The following RXFP1 variants were observed in gnomAD, a reference collection of about 807,000 sequenced individuals.
RXFP1 encodes relaxin family peptide receptor 1.
A neutral mutation model predicts 89.8 loss-of-function variants in RXFP1; 73 were observed. That is an observed-to-expected ratio of 0.81 (90% CI 0.67 to 0.99). The LOEUF (loss-of-function observed/expected upper bound fraction) is 0.99. Among genes scored for constraint, RXFP1 ranks in the 50% least tolerant of loss-of-function variants. RXFP1 has a pLI of 0.00. For synonymous variants in RXFP1, 277 were observed against 305.5 expected (o/e 0.91, Z 0.97); for missense variants, 793 against 895.5 (o/e 0.89, Z 1.46).
At chr4:158,630,282 CAAAAACAAAT>C (rs1489241249) in intron 11 of RXFP1, among the ~76,000 whole-genome samples, 1 of 152,124 alleles carries the variant, frequency 6.6e-6, no homozygotes, top group Non-Finnish European at 1.5e-5. Context: ...AGGAAAATCT[CAAAAACAAAT>C]AGACCCAACC....
rs553932490 is a variant in RXFP1, at chr4:158,588,776, A to G, written c.188-4625A>G. 2.0e-5 allele frequency among the ~76,000 whole-genome samples: 3 copies of G among 152,348 alleles called. No homozygotes were observed. The South Asian group carries it at 6.2e-4, about 32-fold the overall frequency. On this transcript the variant is annotated intron_variant, in intron 2 of 17. Coordinates refer to ENST00000307765, the MANE Select transcript of RXFP1 (RefSeq NM_021634.4). ...TCCATGACAGGTTCCTTGCAGTTGT[A>G]CAATACAATGGCTGTTCCTCATGAT...
chr4:158,576,918 T>C (rs1223991372), intron 2 of RXFP1, among the ~76,000 whole-genome samples: 2 of 152,182 alleles, frequency 1.3e-5, no homozygotes, highest in Non-Finnish European at 2.9e-5. Flanking sequence ...GTTATTTCTG[T>C]TTGTCTCTAA....
intron 6 of RXFP1, among the ~76,000 whole-genome samples, chr4:158,609,416 A>G (rs1201597030): frequency 6.6e-6 from 1 of 152,212 alleles, no homozygotes; most frequent in Non-Finnish European, 1.5e-5. Flanking sequence ...TTTAAAAAAA[A>G]AGGCTTTCTC....
At chr4:158,637,859 T>C in intron 12 of RXFP1, 149 bp from the exon 13 acceptor site, 1 of 588,346 alleles carries the variant, frequency 1.7e-6, no homozygotes, top group Non-Finnish European at 3.0e-6. Flanking sequence ...AGTCGTTTTA[T>C]AATTTTACAG....
At chr4:158,522,317 GT>G (rs1178036053) in intron 1 of RXFP1, among the ~76,000 whole-genome samples, 1 of 152,140 alleles carries the variant, frequency 6.6e-6, no homozygotes, top group African/African-American at 2.4e-5. Context: ...TATTTAAAGA[GT>G]AGTAATTCTT....
At chr4:158,631,209 A>G (rs759222649) in intron 11 of RXFP1, among the ~76,000 whole-genome samples, 3 of 152,230 alleles carry the variant, frequency 2.0e-5, no homozygotes, top group Non-Finnish European at 4.4e-5. Context: ...GTTGAACAAG[A>G]CATTTGGAAT....
At chr4:158,537,837 G>A (rs1745636481) in intron 1 of RXFP1, among the ~76,000 whole-genome samples, 1 of 152,192 alleles carries the variant, frequency 6.6e-6, no homozygotes, top group African/African-American at 2.4e-5. Flanking sequence ...GGAAAATGTA[G>A]TGGAATAGGA....
At chr4:158,570,207 G>A (rs1412638472) in intron 1 of RXFP1, among the ~76,000 whole-genome samples, 1 of 152,152 alleles carries the variant, frequency 6.6e-6, no homozygotes, top group African/African-American at 2.4e-5. Flanking sequence ...ATTCCAACAA[G>A]GCTGGAGCCC....
intron 11 of RXFP1, among the ~76,000 whole-genome samples, chr4:158,631,521 C>CTATATGTGT (rs370427876): frequency 2.0e-3 from 309 of 152,232 alleles, no homozygotes; most frequent in African/African-American, 7.2e-3. Flanking sequence ...GTTATATGTG[C>CTATATGTGT]TATATGTGTT....
intron 1 of RXFP1, among the ~76,000 whole-genome samples, chr4:158,562,523 CA>C (rs55944906): frequency 0.026 from 665 of 25,242 alleles, no homozygotes; most frequent in African/African-American, 0.084. Context: ...GACTCCGTCT[CA>C]AAAAAAAAAA....
intron 1 of RXFP1, among the ~76,000 whole-genome samples, chr4:158,545,476 G>A (rs985778878): frequency 2.6e-5 from 4 of 152,116 alleles, no homozygotes; most frequent in African/African-American, 9.7e-5. Flanking sequence ...TGTCAATTTT[G>A]TCTTTTGTTG....
At chr4:158,577,361 A>G (rs1043303657) in intron 2 of RXFP1, among the ~76,000 whole-genome samples, 10 of 152,266 alleles carry the variant, frequency 6.6e-5, no homozygotes, top group Non-Finnish European at 1.2e-4. Context: ...TAAAACATCC[A>G]TATGTAAATT....
chr4:158,547,853 G>A (rs1477427874), intron 1 of RXFP1, among the ~76,000 whole-genome samples: 1 of 152,130 alleles, frequency 6.6e-6, no homozygotes, highest in Admixed American at 6.6e-5. Context: ...AATTGCTGAG[G>A]AGTGCTTTAC....
intron 4 of RXFP1, among the ~76,000 whole-genome samples, chr4:158,604,252 C>T (rs1369980694): frequency 6.6e-6 from 1 of 152,006 alleles, no homozygotes; most frequent in African/African-American, 2.4e-5. Context: ...GTATCCGCTC[C>T]GTGGTACTAT....
intron 1 of RXFP1, among the ~76,000 whole-genome samples, chr4:158,569,076 T>C (rs1754472377): frequency 6.6e-6 from 1 of 152,212 alleles, no homozygotes. Context: ...TTATAGTTAA[T>C]ATGTGGCCAA....
intron 2 of RXFP1, 22 bp from the exon 3 acceptor site, chr4:158,593,379 T>C: frequency 2.6e-6 from 4 of 1,517,694 alleles, no homozygotes; most frequent in Non-Finnish European, 3.7e-6. Context: ...TGAACTTTTT[T>C]GTTCTCTGAT....
At chr4:158,616,539 G>A (rs866917434) in intron 8 of RXFP1, among the ~76,000 whole-genome samples, 1 of 139,790 alleles carries the variant, frequency 7.2e-6, no homozygotes, top group Admixed American at 7.3e-5. Flanking sequence ...ATTTGTTGTT[G>A]ACGGGTTTAG....
chr4:158,562,522 T>TTAAAAA (rs1282461174), intron 1 of RXFP1, among the ~76,000 whole-genome samples: 1 of 1,428 alleles, frequency 7.0e-4, no homozygotes, highest in Non-Finnish European at 0.014. Context: ...AGACTCCGTC[T>TTAAAAA]CAAAAAAAAA....
At chr4:158,544,109 T>G in intron 1 of RXFP1, 1 of 980,832 alleles carries the variant, frequency 1.0e-6, no homozygotes, top group Middle Eastern at 5.3e-4. Context: ...CTTTTTATTT[T>G]TTTAATTTAC....
Sources: gnomAD v4.1 joint callset for allele counts (sites outside exome capture counted in the v4.1 genomes callset) on GRCh38, gnomAD v4.1.1 for gene constraint, MANE v1.5 for transcripts, NCBI Gene and HGNC (gene_info 2026-07-23, HGNC 2026-07-21) for gene names.